Variants in HEATR5B observed in about 807,000 individuals in gnomAD.
HEATR5B encodes HEAT repeat-containing protein 5B.
Under a neutral mutation model 224.1 loss-of-function variants are expected in HEATR5B, and 156 were observed. The observed-to-expected ratio is 0.70, with a 90% CI of 0.61 to 0.80. HEATR5B has a LOEUF of 0.80. Ranked by LOEUF, HEATR5B falls within the 30% of genes least tolerant of loss-of-function variation. The pLI is 0.00. For missense variants in HEATR5B, 2,323 were observed against 2,535.5 expected (o/e 0.92, Z 1.80); for synonymous variants, 1,027 against 893.0 (o/e 1.15, Z -2.68).
chr2:37,005,873 T>A, intron 29 of HEATR5B, 114 bp from the exon 30 acceptor site: 1 of 777,918 alleles, frequency 1.3e-6, no homozygotes, highest in Non-Finnish European at 1.9e-6. Context: ...ATGTATTTAT[T>A]AATACCTTAA....
At chr2:37,036,124 C>T (rs1378126700) in intron 21 of HEATR5B, among the ~76,000 whole-genome samples, 1 of 151,838 alleles carries the variant, frequency 6.6e-6, no homozygotes, top group East Asian at 1.9e-4. Flanking sequence ...AATTCTTACC[C>T]TGTAGAGTCC....
Position 37,078,617 on chromosome 2 carries a change from A to G in HEATR5B, c.338+503T>C, listed in dbSNP as rs542023075. On this transcript the variant is annotated intron_variant, in intron 3 of 35. Transcript: ENST00000233099. The stretch of plus-strand genomic sequence containing the variant: ...CAAAACACAAAAATCTAATCACAAT[A>G]TATCTAGGTAGTTACCTAGTGATAC... Among the ~76,000 whole-genome samples the G allele has an allele frequency of 1.2e-4, 18 of 152,308 alleles. No homozygotes were observed. The South Asian group carries it at 3.7e-3, about 32-fold the overall frequency.
At chr2:37,078,052 T>G (rs1423466240) in intron 3 of HEATR5B, among the ~76,000 whole-genome samples, 2 of 152,220 alleles carry the variant, frequency 1.3e-5, no homozygotes, top group Non-Finnish European at 2.9e-5. Context: ...AGCGGATGCT[T>G]TGGAGTCTAG....
chr2:37,052,010 G>A (rs975331405), intron 17 of HEATR5B, among the ~76,000 whole-genome samples: 1 of 152,100 alleles, frequency 6.6e-6, no homozygotes, highest in African/African-American at 2.4e-5. Context: ...AAAGTGCTGG[G>A]ATTACAGGCA....
intron 35 of HEATR5B, among the ~76,000 whole-genome samples, chr2:36,987,226 C>A (rs1294808354): frequency 1.3e-5 from 2 of 151,996 alleles, no homozygotes; most frequent in East Asian, 3.9e-4. Flanking sequence ...GTGAGGAGTT[C>A]AAGACCAACT....
chr2:37,046,858 T>C (rs1670228672), intron 18 of HEATR5B, among the ~76,000 whole-genome samples: 1 of 151,322 alleles, frequency 6.6e-6, no homozygotes, highest in African/African-American at 2.4e-5. Context: ...GAGACTACCC[T>C]GGCCAACATG....
chr2:37,062,010 G>A lies in HEATR5B; in HGVS notation c.1625C>T (p.Ala542Val). The A allele has an allele frequency of 6.2e-7, 1 of 1,613,712 alleles. No homozygotes were observed. The highest frequency in any genetic ancestry group is 1.1e-5 in the South Asian group (1 of 91,062). Residue 542 changes from alanine to valine, a missense_variant, in exon 11 of 36, where the codon GCC becomes GTC. Physicochemically the swap from Ala to Val is moderately conservative, Grantham distance 64. Transcript: ENST00000233099. ...CTGTAAAGATAGCCTGCTATTTTGG[G>A]CAGCAGTTCGTAAAAGATCTTCAGC... The part of the protein sequence containing the change: ...SIAEDLLRTA[A>V]QNSRLSLQRT...
At chr2:37,035,171 T>C (rs1413956440) in intron 21 of HEATR5B, among the ~76,000 whole-genome samples, 1 of 152,160 alleles carries the variant, frequency 6.6e-6, no homozygotes, top group Non-Finnish European at 1.5e-5. Context: ...AAAGCCTAAG[T>C]GAAAGAAACA....
chr2:37,014,384 G>A (rs1411794318), intron 26 of HEATR5B, among the ~76,000 whole-genome samples: 2 of 151,382 alleles, frequency 1.3e-5, no homozygotes, highest in Non-Finnish European at 2.9e-5. Flanking sequence ...GGATGGTCTC[G>A]ATCTCCTGAC....
At position 37,060,594 on chromosome 2, in the gene HEATR5B, A is replaced by G; in HGVS notation, c.1836T>C (p.Ala612=). 1 of 1,613,794 alleles carries G rather than the reference A, an allele frequency of 6.2e-7. No homozygotes were observed. The highest frequency in any genetic ancestry group is 8.5e-7 in the Non-Finnish European group (1 of 1,179,746). Residue 612 remains alanine, a synonymous_variant, in exon 12 of 36, where the codon GCT becomes GCC. Transcript: ENST00000233099. ...TTCAGTTCTTACCACATAGAGCTCC[A>G]GCACGACCTTCCAAAGTTACCTGCC... ...FTWQVTLEGR[A]GALCAMRSFV...
At chr2:36,996,206 G>A (rs185347158) in intron 33 of HEATR5B, among the ~76,000 whole-genome samples, 11 of 151,394 alleles carry the variant, frequency 7.3e-5, no homozygotes, top group Admixed American at 6.6e-4. Flanking sequence ...GATTATAGGC[G>A]CCTGCCACCA....
chr2:37,012,327 A>G (rs186597627), intron 27 of HEATR5B, among the ~76,000 whole-genome samples: 1 of 152,210 alleles, frequency 6.6e-6, no homozygotes, highest in Non-Finnish European at 1.5e-5. Flanking sequence ...ATACCCTTGT[A>G]GCAGAACCTT....
intron 28 of HEATR5B, chr2:37,008,315 T>A (rs540648334): frequency 4.4e-5 from 19 of 430,558 alleles, no homozygotes; most frequent in South Asian, 7.2e-5. Context: ...GCAATATACA[T>A]CTATGGTTAT....
At chr2:37,025,928 T>C (rs1286529225) in intron 24 of HEATR5B, among the ~76,000 whole-genome samples, 2 of 152,198 alleles carry the variant, frequency 1.3e-5, no homozygotes, top group Non-Finnish European at 2.9e-5. Context: ...ACCAGTGTAG[T>C]AGGCAGAATA....
intron 35 of HEATR5B, 134 bp from the exon 36 acceptor site, chr2:36,981,928 T>C (rs6714920): frequency 2.0e-6 from 1 of 496,184 alleles, no homozygotes; most frequent in African/African-American, 2.0e-5. Context: ...TAGACCTCAA[T>C]AACTCGTAAT....
At chr2:37,053,106 A>T (rs1670664005) in intron 17 of HEATR5B, among the ~76,000 whole-genome samples, 1 of 152,210 alleles carries the variant, frequency 6.6e-6, no homozygotes, top group African/African-American at 2.4e-5. Context: ...ATGAGAACGC[A>T]ATCTCTAAAT....
chr2:37,054,400 C>T (rs1001664921), intron 16 of HEATR5B, among the ~76,000 whole-genome samples: 29 of 150,206 alleles, frequency 1.9e-4, no homozygotes, highest in Admixed American at 6.0e-4. Context: ...AGGCTGGTCT[C>T]GAACTCCCGA....
At position 37,028,664 on chromosome 2, in the gene HEATR5B, G is replaced by T. The variant is rs369733171; in HGVS notation, c.3601+17C>A. The T allele has an allele frequency of 1.9e-6, 3 of 1,605,168 alleles. No individual in the cohort carries two copies. Among genetic ancestry groups the T allele is most frequent in the Admixed American group, 3.4e-5 (2 of 59,192 alleles). ...AAACAATTTCCATTATTTTAAGAAC[G>T]CACATTAAATACTTACCACTAGAAG... On this transcript the variant is annotated intron_variant, in intron 23 of 35. Coordinates refer to ENST00000233099, the MANE Select transcript of HEATR5B (RefSeq NM_019024.3).
chr2:37,072,995 G>C (rs1016953861), intron 5 of HEATR5B, among the ~76,000 whole-genome samples: 1 of 152,232 alleles, frequency 6.6e-6, no homozygotes, highest in Admixed American at 6.5e-5. Context: ...AACTCTAGGA[G>C]ATGCCTACAC....
Sources: allele counts gnomAD v4.1 joint callset (sites outside exome capture counted in the v4.1 genomes callset), GRCh38; gene constraint gnomAD v4.1.1; transcripts MANE v1.5; gene names NCBI Gene and HGNC (gene_info 2026-07-23, HGNC 2026-07-21).